The following NCAM2 variants were observed in gnomAD, a reference collection of about 807,000 sequenced individuals.
The protein encoded by NCAM2 is neural cell adhesion molecule 2, also known as N-CAM-2.
In NCAM2, 30 loss-of-function variants were observed where a neutral mutation model predicts 98.1. That is an observed-to-expected ratio of 0.31 (90% CI 0.23 to 0.41). NCAM2 has a LOEUF of 0.41. Among genes scored for constraint, NCAM2 ranks in the 10% least tolerant of loss-of-function variants. The pLI is 1.00. For missense variants in NCAM2, 867 were observed against 1,005.8 expected (o/e 0.86, Z 1.87); for synonymous variants, 368 against 342.4 (o/e 1.07, Z -0.83).
intron 1 of NCAM2, among the ~76,000 whole-genome samples, chr21:21,265,524 C>T (rs1305042680): frequency 1.3e-5 from 1 of 77,388 alleles, no homozygotes; most frequent in African/African-American, 4.1e-5. Flanking sequence ...TACACATACA[C>T]ACATATGTGT....
intron 1 of NCAM2, among the ~76,000 whole-genome samples, chr21:21,125,114 G>C (rs1347550308): frequency 1.3e-5 from 2 of 151,846 alleles, no homozygotes; most frequent in Non-Finnish European, 2.9e-5. Flanking sequence ...GTCTGCATAT[G>C]ATAGAAATAC....
intron 15 of NCAM2, among the ~76,000 whole-genome samples, chr21:21,491,584 T>C (rs1012177975): frequency 6.6e-6 from 1 of 151,748 alleles, no homozygotes; most frequent in Non-Finnish European, 1.5e-5. Context: ...ATTTTTGACA[T>C]AGATATAAAC....
intron 1 of NCAM2, among the ~76,000 whole-genome samples, chr21:21,213,191 T>C (rs1470189109): frequency 1.3e-5 from 2 of 152,140 alleles, no homozygotes; most frequent in Admixed American, 1.3e-4. Context: ...TAAAATTACA[T>C]TTAGATTTGC....
At position 21,014,384 on chromosome 21, in the gene NCAM2, A is replaced by G. The variant is rs377341040; in HGVS notation, c.55+15766A>G. On this transcript the variant is annotated intron_variant, in intron 1 of 17. Transcript: ENST00000400546. ...GGTTGCAGTAGGCCGAGATCGTGCTATTGCACTCCAGCCTGGGCAATGGAG... is the reference window on the plus strand; with the variant it reads ...GGTTGCAGTAGGCCGAGATCGTGCTGTTGCACTCCAGCCTGGGCAATGGAG... Among the ~76,000 whole-genome samples the G allele has an allele frequency of 1.8e-4, 27 of 150,210 alleles. No individual in the cohort carries two copies. The East Asian group carries it at 3.2e-3, about 18-fold the overall frequency.
intron 1 of NCAM2, among the ~76,000 whole-genome samples, chr21:21,183,653 A>T (rs1030916695): frequency 2.0e-5 from 3 of 152,128 alleles, no homozygotes; most frequent in African/African-American, 4.8e-5. Context: ...TCTAAGCAAA[A>T]TCTTAAAATT....
chr21:21,087,224 A>G (rs2065922543), intron 1 of NCAM2, among the ~76,000 whole-genome samples: 1 of 151,954 alleles, frequency 6.6e-6, no homozygotes, highest in South Asian at 2.1e-4. Flanking sequence ...TATGTTGTCT[A>G]TTTTCTGTTT....
chr21:21,382,721 G>A (rs1278619435), intron 9 of NCAM2, among the ~76,000 whole-genome samples: 2 of 151,798 alleles, frequency 1.3e-5, no homozygotes, highest in Non-Finnish European at 2.9e-5. Flanking sequence ...TAGTAGAGAC[G>A]GGGTTTCGCC....
intron 1 of NCAM2, among the ~76,000 whole-genome samples, chr21:21,155,329 T>A (rs1173626897): frequency 6.6e-6 from 1 of 151,640 alleles, no homozygotes; most frequent in Non-Finnish European, 1.5e-5. Flanking sequence ...GGTTTAAATA[T>A]GTTTAAAAAT....
intron 1 of NCAM2, among the ~76,000 whole-genome samples, chr21:21,170,192 T>G (rs950725654): frequency 1.2e-4 from 19 of 152,188 alleles, no homozygotes; most frequent in Admixed American, 1.2e-3. Context: ...GAAAACTGCT[T>G]GGGACTTTCT....
At chr21:21,420,807 A>T (rs2077095489) in intron 11 of NCAM2, among the ~76,000 whole-genome samples, 1 of 151,912 alleles carries the variant, frequency 6.6e-6, no homozygotes, top group African/African-American at 2.4e-5. Flanking sequence ...AAAAATCAAG[A>T]TAAGTGAGTT....
chr21:21,046,183 A>T (rs2065004955), intron 1 of NCAM2, among the ~76,000 whole-genome samples: 1 of 152,288 alleles, frequency 6.6e-6, no homozygotes, highest in African/African-American at 2.4e-5. Flanking sequence ...GTGTCTCATG[A>T]TACAAGTTTC....
chr21:21,152,983 GGTAA>G (rs931840551), intron 1 of NCAM2, among the ~76,000 whole-genome samples: 3 of 151,756 alleles, frequency 2.0e-5, no homozygotes, highest in African/African-American at 7.3e-5. Context: ...TATTGTGTCT[GGTAA>G]GTGTCTCCAG....
chr21:21,220,496 C>A (rs1344596324), intron 1 of NCAM2, among the ~76,000 whole-genome samples: 5 of 152,088 alleles, frequency 3.3e-5, no homozygotes, highest in Non-Finnish European at 1.5e-5. Context: ...TCTGTGTAAG[C>A]AAATTCTATC....
intron 1 of NCAM2, among the ~76,000 whole-genome samples, chr21:21,185,166 C>T (rs530080068): frequency 7.2e-5 from 11 of 152,198 alleles, no homozygotes; most frequent in South Asian, 2.1e-4. Flanking sequence ...TTACAAAAAC[C>T]GATATTCACT....
intron 1 of NCAM2, among the ~76,000 whole-genome samples, chr21:21,215,516 C>G (rs1006428304): frequency 1.3e-5 from 2 of 152,010 alleles, no homozygotes; most frequent in African/African-American, 2.4e-5. Flanking sequence ...GTCAGGTGTT[C>G]AAGACCAGAC....
At position 21,432,049 on chromosome 21, in the gene NCAM2, TTAA is replaced by T; in HGVS notation, c.1481-54_1481-52del. The stretch of plus-strand genomic sequence containing the variant: ...CCTAGTTCTCATAACACCATAAGCC[TTAA>T]TAATGGCCATTCCCATTCCCTTGGT... On this transcript the variant is annotated intron_variant, in intron 11 of 17. Coordinates refer to ENST00000400546, the MANE Select transcript of NCAM2 (RefSeq NM_004540.5). 6 of 1,523,508 alleles carry T rather than the reference TTAA, an allele frequency of 3.9e-6. No individual in the cohort carries two copies. In the Admixed American group the frequency reaches 1.1e-4, roughly 27 times the overall value. 94.4% of individuals were successfully genotyped at this position (1,523,508 alleles called of 1,614,324 possible).
intron 1 of NCAM2, among the ~76,000 whole-genome samples, chr21:21,091,770 A>C (rs567397480): frequency 6.6e-6 from 1 of 152,314 alleles, no homozygotes; most frequent in East Asian, 1.9e-4. Flanking sequence ...AAATAGAGCA[A>C]TCATATATCT....
At chr21:21,512,269 A>G (rs894262759) in intron 16 of NCAM2, among the ~76,000 whole-genome samples, 36 of 152,014 alleles carry the variant, frequency 2.4e-4, no homozygotes, top group African/African-American at 8.4e-4. Context: ...TGTTCTTTGT[A>G]TATGGCAAGA....
intron 1 of NCAM2, among the ~76,000 whole-genome samples, chr21:21,110,123 G>A (rs2066425860): frequency 6.6e-6 from 1 of 152,198 alleles, no homozygotes; most frequent in Non-Finnish European, 1.5e-5. Context: ...CAAAGCATTT[G>A]CAGCATTAGG....
Sources: gnomAD v4.1 joint callset for allele counts (sites outside exome capture counted in the v4.1 genomes callset) on GRCh38, gnomAD v4.1.1 for gene constraint, MANE v1.5 for transcripts, NCBI Gene and HGNC (gene_info 2026-07-23, HGNC 2026-07-21) for gene names.